The following ATAD5 variants were observed in gnomAD, a reference collection of about 807,000 sequenced individuals.
ATAD5 encodes the protein ATPase family AAA domain-containing protein 5.
In ATAD5, 58 loss-of-function variants were observed where a neutral mutation model predicts 176.9. The observed-to-expected ratio is 0.33, with a 90% confidence interval of 0.27 to 0.41. The LOEUF is 0.41. Among genes scored for constraint, ATAD5 ranks in the 10% least tolerant of loss-of-function variants. The pLI is 1.00. For missense variants in ATAD5, 1,789 were observed against 2,094.1 expected, an observed-to-expected ratio of 0.85 and a Z score of 2.84; for synonymous variants, 640 against 712.6, an observed-to-expected ratio of 0.90 and a Z score of 1.62.
At position 30,895,052 on chromosome 17, in the gene ATAD5, G is replaced by T; in HGVS notation, c.*139G>T. 1.9e-6 allele frequency: 1 copy of T among 531,166 alleles called. No homozygotes were observed. The highest frequency in any genetic ancestry group is 3.0e-6 in the Non-Finnish European group (1 of 331,162). The allele number at this position is 531,166 out of a possible 1,614,324, so 32.9% of individuals were successfully genotyped here. A position where few individuals can be genotyped will look rare whatever the true frequency, so the allele number is the denominator to read the frequency against. ...CAATTTGTATATTTTTTTATTGGCG[G>T]GTAAATATTTAAAATATTTGAGTTA... On this transcript the variant is annotated 3_prime_UTR_variant, in exon 23 of 23. Coordinates refer to ENST00000321990, the MANE Select transcript of ATAD5 (RefSeq NM_024857.5).
In ATAD5 at chr17:30,835,430, C is replaced by G; in HGVS notation, c.1349C>G (p.Ser450Cys). 1.2e-6 allele frequency: 2 copies of G among 1,611,534 alleles called. No individual in the cohort carries two copies. The highest frequency in any genetic ancestry group is 4.5e-5 in the East Asian group (2 of 44,842). Residue 450 changes from serine (S) to cysteine (C), a missense_variant, in exon 2 of 23, where the codon TCT (serine) becomes TGT (cysteine). This residue lies in a region of ATAD5 where 696 missense variants were observed against 712.5 expected (regional missense o/e 0.98). Transcript: ENST00000321990. ...DDNSKKIMENSGIQMVSKNGN... is the reference protein window; with the variant it reads ...DDNSKKIMENCGIQMVSKNGN... ...AATTCTAAAAAAATCATGGAAAATT[C>G]TGGTATCCAAATGGTTTCAAAAAAT... is the stretch of plus-strand genomic sequence containing the variant.
chr17:30,855,091 C>T (rs1303594734), intron 6 of ATAD5, 52 bp from the exon 7 acceptor site: 1 of 1,458,300 alleles, frequency 6.9e-7, no homozygotes, highest in African/African-American at 1.4e-5. Flanking sequence ...TAGTTTATTC[C>T]TTTAAATGTT....
At chr17:30,868,017 C>A (rs1438932457) in intron 11 of ATAD5, among the ~76,000 whole-genome samples, 1 of 152,156 alleles carries the variant, frequency 6.6e-6, no homozygotes, top group African/African-American at 2.4e-5. Flanking sequence ...CTAATATGAA[C>A]AATGCTACAG....
At chr17:30,854,399 TC>T in intron 6 of ATAD5, among the ~76,000 whole-genome samples, 1 of 127,538 alleles carries the variant, frequency 7.8e-6, no homozygotes, top group Admixed American at 9.5e-5. Flanking sequence ...TGAGATGGAG[TC>T]TCCCTCTTTC....
intron 10 of ATAD5, chr17:30,862,655 G>A (rs1290010403): frequency 6.6e-6 from 1 of 152,220 alleles, no homozygotes; most frequent in Non-Finnish European, 1.5e-5. Flanking sequence ...TGGTCAGGCT[G>A]GTTTTGAACT....
intron 18 of ATAD5, among the ~76,000 whole-genome samples, chr17:30,884,947 CTG>C (rs1909234178): frequency 6.6e-6 from 1 of 151,870 alleles, no homozygotes; most frequent in Non-Finnish European, 1.5e-5. Context: ...CGGGGTTTCA[CTG>C]TGTTAGCCAG....
chr17:30,864,637 T>C (rs146481760), intron 10 of ATAD5: 1 of 152,364 alleles, frequency 6.6e-6, no homozygotes, highest in Non-Finnish European at 1.5e-5. Context: ...GTGCTGGGAT[T>C]ATAAGTGTGA....
rs1905585516 is a variant in ATAD5 at position 30,834,535 on chromosome 17, G to A, written c.454G>A (p.Val152Met). 5 of 1,591,098 alleles carry A rather than the reference G, an allele frequency of 3.1e-6. No homozygotes were observed. Among genetic ancestry groups the A allele is most frequent in the Non-Finnish European group, 4.3e-6 (5 of 1,174,344 alleles). ...AGACTATAGTTTAAATAATGATTTT[G>A]TGGAAAGTAGTACTTCTGTTTTACG... ...KEDYSLNNDF[V>M]ESSTSVLRYK... is the part of the protein sequence containing the mutation. The change falls in exon 2 of 23, where the codon GTG (valine) becomes ATG (methionine). Residue 152 changes from valine (V) to methionine (M), a missense_variant. Physicochemically the swap from Val to Met is conservative, Grantham distance 21 (BLOSUM62 1). Transcript: ENST00000321990.
chr17:30,851,198 T>C (rs1372526551), intron 6 of ATAD5, among the ~76,000 whole-genome samples: 1 of 148,524 alleles, frequency 6.7e-6, no homozygotes, highest in African/African-American at 2.5e-5. Context: ...TCTAAAAATA[T>C]ATATTTAAAA....
intron 1 of ATAD5, among the ~76,000 whole-genome samples, chr17:30,833,000 A>AGCATCTT (rs1905475332): frequency 6.6e-6 from 1 of 152,212 alleles, no homozygotes; most frequent in Non-Finnish European, 1.5e-5. Context: ...TAATGCCATG[A>AGCATCTT]AGTAGTGGGC....
chr17:30,841,914 G>GTGC (rs1350584138), intron 4 of ATAD5, among the ~76,000 whole-genome samples: 1 of 151,938 alleles, frequency 6.6e-6, no homozygotes, highest in African/African-American at 2.4e-5. Flanking sequence ...CTTCAAAGCT[G>GTGC]TGCTTGTATT....
intron 20 of ATAD5, 95 bp downstream of exon 20, chr17:30,892,883 A>AG: frequency 9.0e-7 from 1 of 1,107,550 alleles, no homozygotes; most frequent in Non-Finnish European, 1.3e-6. Context: ...GTTTAACTTA[A>AG]ATGTGCCTAT....
chr17:30,871,588 G>A (rs2142402984), intron 14 of ATAD5, among the ~76,000 whole-genome samples: 1 of 152,054 alleles, frequency 6.6e-6, no homozygotes, highest in Admixed American at 6.6e-5. Context: ...GACCTCAGGT[G>A]ATCCACCCCC....
chr17:30,859,022 C>A (rs1309928853), intron 9 of ATAD5, among the ~76,000 whole-genome samples: 1 of 152,172 alleles, frequency 6.6e-6, no homozygotes, highest in African/African-American at 2.4e-5. Flanking sequence ...AGGCATGAGT[C>A]ACCACGCCCA....
At position 30,835,689 on chromosome 17, in the gene ATAD5, T is replaced by A; in HGVS notation, c.1608T>A (p.Asn536Lys). The change falls in exon 2 of 23, where the codon AAT (asparagine) becomes AAA (lysine). Residue 536 changes from asparagine (N) to lysine (K), a missense_variant. Physicochemically the swap from Asn to Lys is moderately conservative, Grantham distance 94 (BLOSUM62 0). Transcript: ENST00000321990. ...TCAAAAGCAGCACTTTATTTAACAA[T>A]GAAAGTCTTGTTTATGAAGATATAG... ...EFFKSSTLFNNESLVYEDIAN... is the reference protein window; with the variant it reads ...EFFKSSTLFNKESLVYEDIAN... 6.2e-7 allele frequency: 1 copy of A among 1,607,780 alleles called. No individual in the cohort carries two copies. Among genetic ancestry groups the A allele is most frequent in the Non-Finnish European group, 8.5e-7 (1 of 1,177,716 alleles).
Position 30,843,138 on chromosome 17 carries a change from G to A in ATAD5, c.2242-775G>A, listed in dbSNP as rs1906236704. ...AGGCCAAGGTGGGAGGATTGCCTGAGCCCAGGAGTTCGAGACCAGCCTGGT... is the reference window on the plus strand; with the variant it reads ...AGGCCAAGGTGGGAGGATTGCCTGAACCCAGGAGTTCGAGACCAGCCTGGT... On this transcript the variant is annotated intron_variant, in intron 4 of 22. Coordinates refer to ENST00000321990, the MANE Select transcript of ATAD5 (RefSeq NM_024857.5). Among the ~76,000 whole-genome samples, 7 of 151,732 alleles carry A rather than the reference G, an allele frequency of 4.6e-5. No homozygotes were observed. The South Asian group carries it at 1.5e-3, about 31-fold the overall frequency.
At chr17:30,847,074 A>G (rs1906553674) in intron 6 of ATAD5, among the ~76,000 whole-genome samples, 1 of 152,096 alleles carries the variant, frequency 6.6e-6, no homozygotes, top group Non-Finnish European at 1.5e-5. Flanking sequence ...CAATAAAAAT[A>G]TAGAACATTT....
chr17:30,858,386 AT>A, intron 9 of ATAD5, 63 bp downstream of exon 9: 1 of 1,130,026 alleles, frequency 8.8e-7, no homozygotes. Flanking sequence ...ATTATTTATT[AT>A]TTTATTTTTA....
At position 30,833,444 on chromosome 17, in the gene ATAD5, G is replaced by A. The variant is rs192608656; in HGVS notation, c.67-704G>A. On this transcript the variant is annotated intron_variant, in intron 1 of 22. Coordinates refer to ENST00000321990, the MANE Select transcript of ATAD5 (RefSeq NM_024857.5). ...TTATTTTGCTTAATAGCAACCCTAT[G>A]ATCTATTGTCTGTATTCTACAAATG... Among the ~76,000 whole-genome samples, 3 of 152,212 alleles carry A rather than the reference G, an allele frequency of 2.0e-5. No individual in the cohort carries two copies. The East Asian group carries it at 5.8e-4, about 29-fold the overall frequency.
Sources: allele counts gnomAD v4.1 joint callset (sites outside exome capture counted in the v4.1 genomes callset), GRCh38; gene constraint gnomAD v4.1.1; regional missense constraint gnomAD v4.1.1; transcripts MANE v1.5; gene names NCBI Gene and HGNC (gene_info 2026-07-23, HGNC 2026-07-21).